NRXN1: variants seen among roughly 807,000 people sequenced by gnomAD.
NRXN1 encodes the protein neurexin-1.
Under a neutral mutation model 150.9 loss-of-function variants are expected in NRXN1, and 39 were observed. That is an observed-to-expected ratio of 0.26 (90% CI 0.20 to 0.34). The LOEUF is 0.34. Ranked by LOEUF, NRXN1 falls within the 10% of genes least tolerant of loss-of-function variation. The pLI, the probability that NRXN1 is intolerant of heterozygous loss-of-function variation, is 1.00. For synonymous variants in NRXN1, 924 were observed against 757.0 expected (o/e 1.22, Z -3.62); for missense variants, 1,815 against 1,949.9 (o/e 0.93, Z 1.30).
At chr2:50,992,527 A>C (rs1469238458) in intron 2 of NRXN1, among the ~76,000 whole-genome samples, 1 of 151,970 alleles carries the variant, frequency 6.6e-6, no homozygotes, top group Non-Finnish European at 1.5e-5. Flanking sequence ...TAAAAAGCAC[A>C]GTTCTTTGTA....
At chr2:50,664,296 A>G (rs1444814094) in intron 5 of NRXN1, among the ~76,000 whole-genome samples, 2 of 151,888 alleles carry the variant, frequency 1.3e-5, no homozygotes, top group African/African-American at 4.8e-5. Flanking sequence ...TCTCTCTTCA[A>G]AGAAACTTGG....
chr2:50,576,186 A>G (rs995418179), intron 8 of NRXN1, among the ~76,000 whole-genome samples: 2 of 152,188 alleles, frequency 1.3e-5, no homozygotes, highest in African/African-American at 2.4e-5. Flanking sequence ...ATATGCACAT[A>G]GTTAAAGCTG....
rs377473335 is a variant in NRXN1, at chr2:50,477,150, A to T, written c.3071-4679T>A. 8.5e-5 allele frequency among the ~76,000 whole-genome samples: 13 copies of T among 152,288 alleles called. No individual in the cohort carries two copies. The South Asian group carries it at 2.7e-3, about 32-fold the overall frequency. On this transcript the variant is annotated intron_variant, in intron 15 of 22. Transcript: ENST00000401669. Reference sequence around the variant, plus strand: ...TTTAGGAAAGAGAATAAAAGGCTTGACTGGAAGAGAGGAGTTTTCAGTTAT... The same window carrying T: ...TTTAGGAAAGAGAATAAAAGGCTTGTCTGGAAGAGAGGAGTTTTCAGTTAT...
intron 5 of NRXN1, among the ~76,000 whole-genome samples, chr2:50,654,751 G>A (rs1022255421): frequency 2.0e-5 from 3 of 152,020 alleles, no homozygotes; most frequent in African/African-American, 4.8e-5. Flanking sequence ...ATCTCATTGT[G>A]TTTTTGATTT....
rs192785600 is a variant in NRXN1 at position 50,785,229 on chromosome 2, T to C, written c.832+136640A>G. Among the ~76,000 whole-genome samples, 761 of 149,262 alleles carry C rather than the reference T, an allele frequency of 5.1e-3. 4 individuals are homozygous for C. The highest frequency in any genetic ancestry group is 9.0e-3 in the Non-Finnish European group (611 of 67,540). ...GATCGTGGATTCCACCCTCTAGAACTCTGAGAAAATACACTTTTTTTTTTT... is the reference window on the plus strand; with the variant it reads ...GATCGTGGATTCCACCCTCTAGAACCCTGAGAAAATACACTTTTTTTTTTT... On this transcript the variant is annotated intron_variant, in intron 5 of 22. Transcript: ENST00000401669.
chr2:50,426,782 G>A (rs538106927), intron 17 of NRXN1, among the ~76,000 whole-genome samples: 7 of 152,234 alleles, frequency 4.6e-5, no homozygotes, highest in African/African-American at 1.7e-4. Flanking sequence ...TGTTTCTATG[G>A]TATAATACAT....
Position 49,921,156 on chromosome 2 carries a change from T to A in NRXN1, c.*788A>T, listed in dbSNP as rs138642462. On this transcript the variant is annotated 3_prime_UTR_variant, in exon 23 of 23. Transcript: ENST00000401669. Reference sequence around the variant, plus strand: ...TATACAACAGGCTATAAAACGTCACTTATCACAGTCCAGAAAGCACACAGA... The same window carrying A: ...TATACAACAGGCTATAAAACGTCACATATCACAGTCCAGAAAGCACACAGA... The A allele has an allele frequency of 6.5e-6, 1 of 152,718 alleles. No homozygotes were observed. The highest frequency in any genetic ancestry group is 1.5e-5 in the Non-Finnish European group (1 of 68,016). The allele number at this position is 152,718 out of a possible 1,614,324, so 9.5% of individuals were successfully genotyped here. A position where few individuals can be genotyped will look rare whatever the true frequency, so the allele number is the denominator to read the frequency against.
intron 2 of NRXN1, among the ~76,000 whole-genome samples, chr2:50,973,148 G>A (rs140843176): frequency 5.3e-5 from 8 of 152,216 alleles, no homozygotes; most frequent in Non-Finnish European, 8.8e-5. Context: ...ATTATACCAG[G>A]AGCAATGACT....
intron 7 of NRXN1, 78 bp from the exon 8 acceptor site, chr2:50,620,261 G>A (rs1679771803): frequency 6.9e-7 from 1 of 1,441,420 alleles, no homozygotes; most frequent in Non-Finnish European, 9.4e-7. Flanking sequence ...CCTGTTTTGT[G>A]TTTTGCTTTT....
chr2:49,963,982 G>C (rs1402435919), intron 21 of NRXN1, among the ~76,000 whole-genome samples: 1 of 152,152 alleles, frequency 6.6e-6, no homozygotes, highest in Non-Finnish European at 1.5e-5. Flanking sequence ...TGGCTGAGAA[G>C]TTATGAGGCC....
chr2:50,519,651 G>T (rs896435382), intron 12 of NRXN1, among the ~76,000 whole-genome samples: 7 of 151,838 alleles, frequency 4.6e-5, no homozygotes, highest in African/African-American at 1.7e-4. Context: ...GATTATGTTA[G>T]ATTTTCTATT....
chr2:50,893,128 C>T (rs1316799084), intron 5 of NRXN1, among the ~76,000 whole-genome samples: 4 of 152,146 alleles, frequency 2.6e-5, no homozygotes, highest in African/African-American at 9.7e-5. Context: ...ATTCTTTCCT[C>T]TTTTATCACT....
At chr2:50,230,019 G>A (rs995909331) in intron 18 of NRXN1, among the ~76,000 whole-genome samples, 5 of 152,004 alleles carry the variant, frequency 3.3e-5, no homozygotes, top group African/African-American at 1.2e-4. Flanking sequence ...GGGTCAAAAG[G>A]AGTAGTGATC....
At chr2:50,756,525 C>A (rs1456120442) in intron 5 of NRXN1, among the ~76,000 whole-genome samples, 6 of 151,696 alleles carry the variant, frequency 4.0e-5, no homozygotes, top group Admixed American at 6.6e-5. Context: ...TTTGTTCTAG[C>A]AATTTGCATC....
intron 2 of NRXN1, among the ~76,000 whole-genome samples, chr2:50,990,288 C>T (rs1350987214): frequency 6.6e-6 from 1 of 151,826 alleles, no homozygotes; most frequent in Non-Finnish European, 1.5e-5. Flanking sequence ...CTTTGAAGCC[C>T]AGTGCTAAAA....
At chr2:50,890,645 G>A (rs974861550) in intron 5 of NRXN1, among the ~76,000 whole-genome samples, 9 of 151,666 alleles carry the variant, frequency 5.9e-5, no homozygotes, top group African/African-American at 2.2e-4. Context: ...ATTATTGCAG[G>A]AGAACTTTTT....
At chr2:50,972,211 G>C (rs1291256512) in intron 2 of NRXN1, among the ~76,000 whole-genome samples, 2 of 151,808 alleles carry the variant, frequency 1.3e-5, no homozygotes, top group Admixed American at 1.3e-4. Context: ...ATTTGGAAAG[G>C]TTCATACTTA....
intron 15 of NRXN1, among the ~76,000 whole-genome samples, chr2:50,482,177 G>A (rs2090522515): frequency 6.6e-6 from 1 of 152,072 alleles, no homozygotes. Context: ...TTGTATGTTT[G>A]GCCAACAGAC....
At chr2:50,511,512 T>C (rs185025553) in intron 12 of NRXN1, among the ~76,000 whole-genome samples, 2 of 152,356 alleles carry the variant, frequency 1.3e-5, no homozygotes, top group East Asian at 3.9e-4. Flanking sequence ...CCAAATTTTT[T>C]GGCTGGTGAT....
Sources: allele counts gnomAD v4.1 joint callset (sites outside exome capture counted in the v4.1 genomes callset), GRCh38; gene constraint gnomAD v4.1.1; transcripts MANE v1.5; gene names NCBI Gene and HGNC (gene_info 2026-07-23, HGNC 2026-07-21).